CSMD1: variants seen among roughly 807,000 people sequenced by gnomAD.
CSMD1 encodes the protein CUB and sushi domain-containing protein 1.
A neutral mutation model predicts 417.5 loss-of-function variants in CSMD1; 213 were observed. The observed-to-expected ratio is 0.51, with a 90% confidence interval of 0.46 to 0.57. CSMD1 has a LOEUF of 0.57. Ranked by LOEUF, CSMD1 falls within the 20% of genes least tolerant of loss-of-function variation. CSMD1 has a pLI of 0.00. For missense variants in CSMD1, 6,923 were observed against 4,529.7 expected, an observed-to-expected ratio of 1.53 and a Z score of -15.17; for synonymous variants, 2,862 against 1,736.8, an observed-to-expected ratio of 1.65 and a Z score of -16.11.
intron 2 of CSMD1, among the ~76,000 whole-genome samples, chr8:4,577,440 C>G (rs558265683): frequency 1.3e-5 from 2 of 152,276 alleles, no homozygotes; most frequent in African/African-American, 4.8e-5. Flanking sequence ...CTCAGGAACC[C>G]AACAGGCTCC....
rs35590634 is a variant in CSMD1 at position 3,366,888 on chromosome 8, C to A, written c.3115+144G>T. 114,658 of 702,974 alleles carry A rather than the reference C, an allele frequency of 0.16. 10,271 individuals are homozygous for A. Among genetic ancestry groups the A allele is most frequent in the African/African-American group, 0.24 (13,428 of 56,282 alleles). The allele number at this position is 702,974 out of a possible 1,614,324, so 43.5% of individuals were successfully genotyped here. On this transcript the variant is annotated intron_variant, in intron 20 of 69. Transcript: ENST00000635120. ...TTCGTGGAGGCTCAGCCTCCTGCAC[C>A]CCATTAGTTGGAATCAAGTCACGCA...
At chr8:3,267,473 A>G (rs1318679441) in intron 26 of CSMD1, among the ~76,000 whole-genome samples, 1 of 152,182 alleles carries the variant, frequency 6.6e-6, no homozygotes, top group Admixed American at 6.5e-5. Context: ...ACTGGTAAAC[A>G]AGCTGCCAGG....
intron 48 of CSMD1, among the ~76,000 whole-genome samples, chr8:3,090,963 G>A (rs1452474078): frequency 6.6e-6 from 1 of 152,036 alleles, no homozygotes; most frequent in Non-Finnish European, 1.5e-5. Flanking sequence ...TGCTGGCAGA[G>A]AATGATTACA....
chr8:4,390,019 T>G (rs953962511), intron 3 of CSMD1, among the ~76,000 whole-genome samples: 1 of 152,242 alleles, frequency 6.6e-6, no homozygotes, highest in Non-Finnish European at 1.5e-5. Flanking sequence ...ATTACCAATT[T>G]GCTTTTCACA....
chr8:3,131,487 T>G (rs1817789823), intron 41 of CSMD1, among the ~76,000 whole-genome samples: 1 of 151,166 alleles, frequency 6.6e-6, no homozygotes, highest in Non-Finnish European at 1.5e-5. Context: ...TTTTTTTTTT[T>G]TTGACATGGA....
intron 26 of CSMD1, among the ~76,000 whole-genome samples, chr8:3,271,871 T>C (rs1410968583): frequency 1.3e-5 from 2 of 152,100 alleles, no homozygotes; most frequent in Non-Finnish European, 2.9e-5. Flanking sequence ...TTTCTCCCAT[T>C]TTGTAGGTTG....
At chr8:3,243,410 C>G (rs555609337) in intron 26 of CSMD1, among the ~76,000 whole-genome samples, 1 of 145,462 alleles carries the variant, frequency 6.9e-6, no homozygotes, top group African/African-American at 2.6e-5. Flanking sequence ...GGGCTGAGTC[C>G]GAAAAGAGAG....
At chr8:4,173,026 A>G (rs1326969389) in intron 3 of CSMD1, among the ~76,000 whole-genome samples, 1 of 152,168 alleles carries the variant, frequency 6.6e-6, no homozygotes, top group African/African-American at 2.4e-5. Flanking sequence ...TTGGTATTTT[A>G]GCCCCTAATA....
At chr8:3,319,307 G>C (rs1307004832) in intron 23 of CSMD1, among the ~76,000 whole-genome samples, 1 of 152,148 alleles carries the variant, frequency 6.6e-6, no homozygotes, top group Non-Finnish European at 1.5e-5. Context: ...ACAGGGATTA[G>C]AACCACTGCA....
intron 2 of CSMD1, among the ~76,000 whole-genome samples, chr8:4,599,064 G>A (rs1452104805): frequency 2.0e-5 from 3 of 152,148 alleles, no homozygotes; most frequent in Admixed American, 6.6e-5. Context: ...CACGTAACAT[G>A]AACTAACTCT....
At chr8:4,604,381 T>TTGTGTGTGTGTG (rs368710127) in intron 2 of CSMD1, among the ~76,000 whole-genome samples, 1,018 of 91,594 alleles carry the variant, frequency 0.011, 15 homozygotes, top group African/African-American at 0.027. Context: ...ACAAATAGCA[T>TTGTGTGTGTGTG]TGTGTGTGTG....
intron 1 of CSMD1, among the ~76,000 whole-genome samples, chr8:4,727,836 C>G (rs372213931): frequency 2.0e-5 from 3 of 149,252 alleles, no homozygotes; most frequent in East Asian, 2.0e-4. Flanking sequence ...ATATATATAT[C>G]TATTATATAT....
intron 1 of CSMD1, among the ~76,000 whole-genome samples, chr8:4,709,940 C>G (rs1808185186): frequency 6.6e-6 from 1 of 152,100 alleles, no homozygotes; most frequent in Non-Finnish European, 1.5e-5. Flanking sequence ...TAAGAAAAAA[C>G]AGGGTCTTGG....
At chr8:3,359,604 A>G (rs1809023080) in intron 20 of CSMD1, among the ~76,000 whole-genome samples, 1 of 151,374 alleles carries the variant, frequency 6.6e-6, no homozygotes, top group Non-Finnish European at 1.5e-5. Flanking sequence ...AAGGGGGTGT[A>G]TGGAGGGAAG....
chr8:3,012,476 T>A (rs1038789573), intron 52 of CSMD1, among the ~76,000 whole-genome samples: 1 of 152,168 alleles, frequency 6.6e-6, no homozygotes, highest in African/African-American at 2.4e-5. Flanking sequence ...GTATGAGTCA[T>A]GTTGCGATGA....
chr8:4,642,971 T>C (rs1488301861), intron 1 of CSMD1, among the ~76,000 whole-genome samples: 1 of 152,188 alleles, frequency 6.6e-6, no homozygotes, highest in African/African-American at 2.4e-5. Context: ...ATTTGAGAAA[T>C]GATGGACAGG....
At chr8:3,583,005 A>G (rs1034680831) in intron 9 of CSMD1, among the ~76,000 whole-genome samples, 3 of 152,168 alleles carry the variant, frequency 2.0e-5, no homozygotes, top group African/African-American at 7.2e-5. Context: ...TGGCCTTTAC[A>G]TAATCAGTTG....
chr8:3,197,613 C>A (rs542178300), intron 33 of CSMD1, among the ~76,000 whole-genome samples: 2 of 151,452 alleles, frequency 1.3e-5, no homozygotes, highest in Non-Finnish European at 3.0e-5. Flanking sequence ...CTACAGGTGC[C>A]CGCCACCACG....
At chr8:4,915,968 T>C (rs1806041094) in intron 1 of CSMD1, among the ~76,000 whole-genome samples, 1 of 152,158 alleles carries the variant, frequency 6.6e-6, no homozygotes, top group South Asian at 2.1e-4. Flanking sequence ...ACATCTTCTC[T>C]TCCGCTAGTT....
Sources: gnomAD v4.1 joint callset for allele counts (sites outside exome capture counted in the v4.1 genomes callset) on GRCh38, gnomAD v4.1.1 for gene constraint, MANE v1.5 for transcripts, NCBI Gene and HGNC (gene_info 2026-07-23, HGNC 2026-07-21) for gene names.